RAB11FIP3: variants seen among roughly 807,000 people sequenced by gnomAD.
RAB11FIP3 encodes RAB11 family interacting protein 3.
Under a neutral mutation model 77.8 loss-of-function variants are expected in RAB11FIP3, and 17 were observed. That is an observed-to-expected ratio of 0.22 (90% CI 0.15 to 0.33). The LOEUF (loss-of-function observed/expected upper bound fraction) is 0.33, where lower values mean the gene tolerates loss of function less well. RAB11FIP3 is among the 10% of genes least tolerant of loss of function. The probability of loss-of-function intolerance (pLI) is 1.00; values close to 1 mark genes in which losing one functional copy is unlikely to be tolerated. For synonymous variants in RAB11FIP3, 437 were observed against 448.2 expected (o/e 0.98, Z 0.31); for missense variants, 1,005 against 1,011.2 (o/e 0.99, Z 0.08).
intron 2 of RAB11FIP3, among the ~76,000 whole-genome samples, chr16:467,059 C>T (rs1057361601): frequency 4.6e-5 from 7 of 152,180 alleles, no homozygotes; most frequent in South Asian, 2.1e-4. Context: ...GGCTCTGGGA[C>T]GTAGCACGAA....
intron 4 of RAB11FIP3, among the ~76,000 whole-genome samples, chr16:486,174 G>A (rs1013883188): frequency 1.1e-4 from 17 of 152,192 alleles, no homozygotes; most frequent in African/African-American, 3.6e-4. Flanking sequence ...AAAATGCTGG[G>A]ATTACAGGCG....
chr16:492,517 T>C (rs867179178), intron 5 of RAB11FIP3, among the ~76,000 whole-genome samples: 313 of 6,750 alleles, frequency 0.046, 19 homozygotes, highest in African/African-American at 0.16. Flanking sequence ...CCCAGGGCCC[T>C]CCCGGGAGAC....
At chr16:513,190 T>G (rs1182542534) in intron 9 of RAB11FIP3, among the ~76,000 whole-genome samples, 1 of 152,010 alleles carries the variant, frequency 6.6e-6, no homozygotes, top group Non-Finnish European at 1.5e-5. Flanking sequence ...GTAGTGAGGG[T>G]GGAGGAAGTT....
At position 461,751 on chromosome 16, in the gene RAB11FIP3, G is replaced by T. The variant is rs1316054884; in HGVS notation, c.808+254G>T. 6.6e-6 allele frequency among the ~76,000 whole-genome samples: 1 copy of T among 152,076 alleles called. No individual in the cohort carries two copies. Among genetic ancestry groups the T allele is most frequent in the Non-Finnish European group, 1.5e-5 (1 of 68,032 alleles). The stretch of plus-strand genomic sequence containing the variant: ...GAAAGCAACTGCCCCCTTCCTCAAA[G>T]ATTTCATGATGACAATTTGAGAATT... On this transcript the variant is annotated intron_variant, in intron 2 of 13. Transcript: ENST00000262305. This position sits in a 1 kb window ranked among gnomAD's most constrained non-coding sequence, Gnocchi z 4.5.
chr16:454,319 C>A (rs2055459693), intron 1 of RAB11FIP3, among the ~76,000 whole-genome samples: 1 of 152,214 alleles, frequency 6.6e-6, no homozygotes, highest in South Asian at 2.1e-4. Context: ...TGGCTCATCC[C>A]TGTAGTTCCA....
chr16:489,429 A>G (rs2038228), intron 5 of RAB11FIP3, among the ~76,000 whole-genome samples: 85,151 of 152,152 alleles, frequency 0.56, 24,098 homozygotes, highest in Middle Eastern at 0.65. Flanking sequence ...ATAGAAGCAC[A>G]ACACGCAGTG....
At chr16:458,332 C>G (rs924573741) in intron 1 of RAB11FIP3, among the ~76,000 whole-genome samples, 2 of 151,966 alleles carry the variant, frequency 1.3e-5, no homozygotes, top group Non-Finnish European at 2.9e-5. Context: ...CAGGGCTGCC[C>G]TTGAGGGTTC....
At chr16:446,805 A>G (rs556076599) in intron 1 of RAB11FIP3, among the ~76,000 whole-genome samples, 9 of 152,052 alleles carry the variant, frequency 5.9e-5, no homozygotes, top group African/African-American at 1.2e-4. Context: ...GGTTCACGCA[A>G]TTCTCCTGCC....
chr16:505,669 C>A lies in RAB11FIP3; in HGVS notation c.1499+42C>A, dbSNP rs2031834921. 1.4e-6 allele frequency: 2 copies of A among 1,444,292 alleles called. No homozygotes were observed. The highest frequency in any genetic ancestry group is 4.1e-5 in the Admixed American group (2 of 49,368). 89.5% of individuals were successfully genotyped at this position (1,444,292 alleles called of 1,614,324 possible). A position where few individuals can be genotyped will look rare whatever the true frequency, so the allele number is the denominator to read the frequency against. ...AGACCCGGGCCTCTGCGTGGCGCCT[C>A]CTGTGCCCGCCTGTCAGCCCCCATT... On this transcript the variant is annotated intron_variant, in intron 8 of 13. Transcript: ENST00000262305. This position sits in a 1 kb window ranked among gnomAD's most constrained non-coding sequence, Gnocchi z 4.0.
At position 521,379 on chromosome 16, in the gene RAB11FIP3, G is replaced by C. The variant is rs2141917319; in HGVS notation, c.*540G>C. On this transcript the variant is annotated 3_prime_UTR_variant, in exon 14 of 14. Coordinates refer to ENST00000262305, the MANE Select transcript of RAB11FIP3 (RefSeq NM_014700.4). The stretch of plus-strand genomic sequence containing the variant: ...GTTGAGCCGCTCCTGATGGCTGACG[G>C]GCTCCCAGACCCTCACCTCGGACAT... 6.4e-6 allele frequency: 1 copy of C among 157,272 alleles called. No individual in the cohort carries two copies. Among genetic ancestry groups the C allele is most frequent in the Non-Finnish European group, 1.4e-5 (1 of 70,820 alleles). 9.7% of individuals were successfully genotyped at this position (157,272 alleles called of 1,614,324 possible).
intron 1 of RAB11FIP3, among the ~76,000 whole-genome samples, chr16:442,613 G>T (rs943688188): frequency 1.8e-4 from 28 of 152,086 alleles, no homozygotes; most frequent in African/African-American, 6.8e-4. Context: ...ATTGTCTTTC[G>T]GTGTCATGCT....
rs182843691 is a variant in RAB11FIP3, at chr16:507,293, A to G, written c.1499+1666A>G. 1.3e-5 allele frequency among the ~76,000 whole-genome samples: 2 copies of G among 152,204 alleles called. No individual in the cohort carries two copies. Among genetic ancestry groups the G allele is most frequent in the East Asian group, 3.9e-4 (2 of 5,180 alleles). On this transcript the variant is annotated intron_variant, in intron 8 of 13. Transcript: ENST00000262305. This position sits in a 1 kb window ranked among gnomAD's most constrained non-coding sequence, Gnocchi z 4.6. ...ACGCTGGGCTAATTTTTGTATTTTTAGTAGAGACGGGGTTTCACCATATTG... is the reference window on the plus strand; with the variant it reads ...ACGCTGGGCTAATTTTTGTATTTTTGGTAGAGACGGGGTTTCACCATATTG...
At chr16:491,110 G>C in intron 5 of RAB11FIP3, 1 of 1,289,138 alleles carries the variant, frequency 7.8e-7, no homozygotes, top group Non-Finnish European at 1.0e-6. Flanking sequence ...ATCCTCTCCT[G>C]AACGGATGCT....
At chr16:504,216 G>A (rs1338239177) in intron 7 of RAB11FIP3, among the ~76,000 whole-genome samples, 5 of 17,652 alleles carry the variant, frequency 2.8e-4, no homozygotes, top group Non-Finnish European at 4.8e-4. Context: ...CTCACCTCCT[G>A]TACCCCCTCA....
chr16:426,773 G>C lies in RAB11FIP3; in HGVS notation c.714+53G>C. 1.4e-6 allele frequency: 2 copies of C among 1,408,264 alleles called. No individual in the cohort carries two copies. The highest frequency in any genetic ancestry group is 9.4e-7 in the Non-Finnish European group (1 of 1,062,794). 87.2% of individuals were successfully genotyped at this position (1,408,264 alleles called of 1,614,324 possible). ...GGAACTGGGCAGGTGCGCGCTGGCCGGCGGGGTTGATGTGGGACCGGTCGA... is the reference window on the plus strand; with the variant it reads ...GGAACTGGGCAGGTGCGCGCTGGCCCGCGGGGTTGATGTGGGACCGGTCGA... On this transcript the variant is annotated intron_variant, in intron 1 of 13. Coordinates refer to ENST00000262305, the MANE Select transcript of RAB11FIP3 (RefSeq NM_014700.4). The surrounding 1 kb of genome is among the most constrained non-coding windows in gnomAD (Gnocchi z 5.0).
chr16:468,419 G>A (rs576003569), intron 2 of RAB11FIP3, among the ~76,000 whole-genome samples: 6 of 152,096 alleles, frequency 3.9e-5, no homozygotes, highest in Non-Finnish European at 5.9e-5. Flanking sequence ...TGTTTCGTTC[G>A]GAAGGAGAGT....
Position 519,751 on chromosome 16 carries a change from C to G in RAB11FIP3, c.1723-3C>G. 6.2e-7 allele frequency: 1 copy of G among 1,612,148 alleles called. No homozygotes were observed. The highest frequency in any genetic ancestry group is 1.1e-5 in the South Asian group (1 of 90,874). On this transcript the variant is annotated splice_region_variant and splice_polypyrimidine_tract_variant and intron_variant, in intron 10 of 13. Coordinates refer to ENST00000262305, the MANE Select transcript of RAB11FIP3 (RefSeq NM_014700.4). ...CATCCAGGGCAGGTGTCCACCCCTG[C>G]AGGAGAAGCAGAAGCTGTTGGATGA... is the stretch of plus-strand genomic sequence containing the variant.
chr16:489,908 C>T (rs1311822539), intron 5 of RAB11FIP3, among the ~76,000 whole-genome samples: 3 of 152,222 alleles, frequency 2.0e-5, no homozygotes, highest in Non-Finnish European at 2.9e-5. Context: ...TCCCGGCGAG[C>T]GTCCTGGGAG....
At chr16:459,860 A>G (rs2055573854) in intron 1 of RAB11FIP3, among the ~76,000 whole-genome samples, 1 of 152,054 alleles carries the variant, frequency 6.6e-6, no homozygotes. Context: ...CCCACTTAAA[A>G]AAAAATTGAG....
Sources: allele counts gnomAD v4.1 joint callset (sites outside exome capture counted in the v4.1 genomes callset), GRCh38; gene constraint gnomAD v4.1.1; non-coding constraint Gnocchi (gnomAD v3.1); transcripts MANE v1.5; gene names NCBI Gene and HGNC (gene_info 2026-07-23, HGNC 2026-07-21).